Variants in ARHGAP28 observed in about 807,000 individuals in gnomAD.
ARHGAP28 encodes Rho GTPase activating protein 28, also known as rho GTPase-activating protein 28.
ARHGAP28 carries 56 observed loss-of-function variants against 90.7 expected under a neutral mutation model. The observed-to-expected ratio is 0.62, with a 90% CI of 0.50 to 0.77. ARHGAP28 has a LOEUF of 0.77. Ranked by LOEUF, ARHGAP28 falls within the 30% of genes least tolerant of loss-of-function variation. The pLI is 0.00. For missense variants in ARHGAP28, 869 were observed against 900.9 expected (o/e 0.96, Z 0.45); for synonymous variants, 308 against 323.3 (o/e 0.95, Z 0.51).
intron 16 of ARHGAP28, among the ~76,000 whole-genome samples, chr18:6,900,316 C>T (rs1224431008): frequency 1.3e-5 from 2 of 152,026 alleles, no homozygotes; most frequent in Non-Finnish European, 2.9e-5. Context: ...AAAAAACAAA[C>T]CACGAAGTCA....
intron 1 of ARHGAP28, among the ~76,000 whole-genome samples, chr18:6,753,578 T>G (rs1265393438): frequency 6.6e-6 from 1 of 152,232 alleles, no homozygotes; most frequent in African/African-American, 2.4e-5. Flanking sequence ...CCTCACATAG[T>G]GTGAAATTTG....
chr18:6,827,574 A>G (rs6506444), intron 2 of ARHGAP28, among the ~76,000 whole-genome samples: 105,418 of 130,622 alleles, frequency 0.81, 42,365 homozygotes, highest in African/African-American at 0.88. Context: ...GGACGGGGCG[A>G]CTGGCTGGGT....
chr18:6,869,253 C>CTTTTTT (rs61280250), intron 6 of ARHGAP28, among the ~76,000 whole-genome samples: 23 of 68,032 alleles, frequency 3.4e-4, no homozygotes, highest in South Asian at 5.9e-4. Flanking sequence ...TTTTGCCATT[C>CTTTTTT]TTTTTTTTTT....
At chr18:6,773,432 G>A (rs2056259085) in intron 1 of ARHGAP28, among the ~76,000 whole-genome samples, 1 of 152,136 alleles carries the variant, frequency 6.6e-6, no homozygotes, top group African/African-American at 2.4e-5. Context: ...TTTTATAGAG[G>A]GCCAAGTATA....
chr18:6,897,591 TGATG>T (rs1182483236), intron 16 of ARHGAP28: 3 of 152,360 alleles, frequency 2.0e-5, no homozygotes, highest in African/African-American at 7.2e-5. Context: ...CTAGTGAGAC[TGATG>T]GATGGCCTTA....
At chr18:6,878,865 C>T (rs555048016) in intron 10 of ARHGAP28, among the ~76,000 whole-genome samples, 1 of 152,324 alleles carries the variant, frequency 6.6e-6, no homozygotes, top group East Asian at 1.9e-4. Flanking sequence ...CTTTATTCCT[C>T]TCCTTTATTC....
At chr18:6,834,062 C>A (rs1359059550) in intron 2 of ARHGAP28, among the ~76,000 whole-genome samples, 2 of 151,722 alleles carry the variant, frequency 1.3e-5, no homozygotes, top group Non-Finnish European at 2.9e-5. Context: ...TGAGTCCAGT[C>A]AAGTTAACTG....
At chr18:6,756,675 C>A (rs771911869) in intron 1 of ARHGAP28, among the ~76,000 whole-genome samples, 2 of 152,094 alleles carry the variant, frequency 1.3e-5, no homozygotes, top group African/African-American at 2.4e-5. Context: ...CCATGAGGAG[C>A]AAGGAAGGCA....
chr18:6,851,198 T>A, intron 4 of ARHGAP28, 72 bp downstream of exon 4: 1 of 1,343,782 alleles, frequency 7.4e-7, no homozygotes, highest in South Asian at 1.2e-5. Context: ...TGAGCAAAAC[T>A]TGAAAAAAGT....
chr18:6,837,749 C>T (rs552213287), intron 3 of ARHGAP28, among the ~76,000 whole-genome samples: 5 of 151,854 alleles, frequency 3.3e-5, no homozygotes, highest in African/African-American at 7.3e-5. Flanking sequence ...ACTCTGTGGT[C>T]GGGCAAAGGA....
chr18:6,791,522 A>G (rs2056406159), intron 1 of ARHGAP28: 1 of 152,232 alleles, frequency 6.6e-6, no homozygotes, highest in African/African-American at 2.4e-5. Context: ...ATATGTAAAC[A>G]TTGGGACATG....
chr18:6,847,273 A>T (rs2056872945), intron 3 of ARHGAP28, among the ~76,000 whole-genome samples: 1 of 150,888 alleles, frequency 6.6e-6, no homozygotes, highest in East Asian at 1.9e-4. Context: ...CCATACGCAC[A>T]CCCCCACCCC....
intron 1 of ARHGAP28, among the ~76,000 whole-genome samples, chr18:6,780,862 C>A (rs2056318833): frequency 6.7e-6 from 1 of 149,066 alleles, no homozygotes; most frequent in African/African-American, 2.5e-5. Context: ...ATTTGCACTC[C>A]AGCCTAGGCA....
rs917314063 is a variant in ARHGAP28 at position 6,783,404 on chromosome 18, C to T, written c.123-41358C>T. Among the ~76,000 whole-genome samples the T allele has an allele frequency of 1.1e-4, 16 of 151,672 alleles. No homozygotes were observed. In the East Asian group the frequency reaches 2.1e-3, roughly 20 times the overall value. On this transcript the variant is annotated intron_variant, in intron 1 of 17. Transcript: ENST00000383472. ...GCAACCTCTGCCTCCCAGGTTCAAG[C>T]GATTTTCCTGCCTCAGCCTCCCAAG...
At chr18:6,902,754 A>G (rs2093828126) in intron 16 of ARHGAP28, among the ~76,000 whole-genome samples, 1 of 152,258 alleles carries the variant, frequency 6.6e-6, no homozygotes, top group South Asian at 2.1e-4. Flanking sequence ...AGAAAACAGT[A>G]TGGTAATTCC....
At chr18:6,732,863 C>T (rs766909383) in intron 1 of ARHGAP28, among the ~76,000 whole-genome samples, 1 of 152,030 alleles carries the variant, frequency 6.6e-6, no homozygotes, top group African/African-American at 2.4e-5. Flanking sequence ...TGTATCCCTA[C>T]GGTTATCACT....
chr18:6,841,064 A>G (rs1373027794), intron 3 of ARHGAP28, among the ~76,000 whole-genome samples: 1 of 150,994 alleles, frequency 6.6e-6, no homozygotes. Flanking sequence ...ATTTGACAAC[A>G]TAAACACCAA....
intron 1 of ARHGAP28, among the ~76,000 whole-genome samples, chr18:6,746,521 C>T (rs2056024665): frequency 6.6e-6 from 1 of 152,202 alleles, no homozygotes. Context: ...ACTCATGAGG[C>T]TTGTGTAGCA....
intron 1 of ARHGAP28, among the ~76,000 whole-genome samples, chr18:6,824,505 C>G (rs992028362): frequency 6.6e-6 from 1 of 152,010 alleles, no homozygotes; most frequent in Non-Finnish European, 1.5e-5. Flanking sequence ...CCACCATACT[C>G]CAGCCTGGGC....
Sources: allele counts gnomAD v4.1 joint callset (sites outside exome capture counted in the v4.1 genomes callset), GRCh38; gene constraint gnomAD v4.1.1; transcripts MANE v1.5; gene names NCBI Gene and HGNC (gene_info 2026-07-23, HGNC 2026-07-21).